PTAFR: variants seen among roughly 807,000 people sequenced by gnomAD.
PTAFR encodes the protein platelet-activating factor receptor.
In PTAFR, 8 loss-of-function variants were observed where a neutral mutation model predicts 14.7. The ratio of observed to expected loss-of-function variants is 0.54; its 90% confidence interval spans 0.32 to 0.98. The LOEUF (loss-of-function observed/expected upper bound fraction) is 0.98, where lower values mean the gene tolerates loss of function less well. PTAFR is among the 50% of genes least tolerant of loss of function. The pLI, the probability that PTAFR is intolerant of heterozygous loss-of-function variation, is 0.04. For synonymous variants in PTAFR, 156 were observed against 176.5 expected (o/e 0.88, Z 0.92); for missense variants, 337 against 451.2 (o/e 0.75, Z 2.29).
Position 28,148,259 on chromosome 1 carries a change from C to G in PTAFR, c.*1734G>C, listed in dbSNP as rs1403492192. 1.3e-5 allele frequency: 2 copies of G among 152,192 alleles called. No homozygotes were observed. The highest frequency in any genetic ancestry group is 4.8e-5 in the African/African-American group (2 of 41,410). 9.4% of individuals were successfully genotyped at this position (152,192 alleles called of 1,614,324 possible). ...AATCACAAGCAGACATCTAGAGATC[C>G]CCAGGAGAAGCTGACACCTGGCTGA... On this transcript the variant is annotated 3_prime_UTR_variant, in exon 2 of 2. Transcript: ENST00000373857.
chr1:28,182,865 G>C (rs1646573699), intron 1 of PTAFR, among the ~76,000 whole-genome samples: 1 of 152,102 alleles, frequency 6.6e-6, no homozygotes, highest in South Asian at 2.1e-4. Flanking sequence ...ATTTGTAGTA[G>C]AGATGGGGTT....
At chr1:28,175,282 C>G (rs74910838) in intron 1 of PTAFR, among the ~76,000 whole-genome samples, 3 of 152,062 alleles carry the variant, frequency 2.0e-5, no homozygotes, top group Non-Finnish European at 4.4e-5. Flanking sequence ...CTCAAGGCCC[C>G]GGCTTGTCAG....
chr1:28,178,688 T>A (rs1450167907), upstream of PTAFR, among the ~76,000 whole-genome samples: 1 of 146,874 alleles, frequency 6.8e-6, no homozygotes, highest in African/African-American at 2.6e-5. Context: ...ACTTGCACAC[T>A]CGCATACACT....
chr1:28,186,679 T>C (rs1015610040), intron 1 of PTAFR, among the ~76,000 whole-genome samples: 7 of 152,202 alleles, frequency 4.6e-5, no homozygotes, highest in African/African-American at 1.4e-4. Context: ...ATCTCAGCAT[T>C]TTTGGTAGGC....
intron 1 of PTAFR, among the ~76,000 whole-genome samples, chr1:28,182,409 C>T (rs1646569803): frequency 6.6e-6 from 1 of 151,666 alleles, no homozygotes; most frequent in South Asian, 2.1e-4. Context: ...GGCATGGTGG[C>T]TTATACCTAT....
chr1:28,181,752 AAAAT>A (rs151336206), intron 1 of PTAFR, among the ~76,000 whole-genome samples: 7 of 151,962 alleles, frequency 4.6e-5, no homozygotes, highest in Non-Finnish European at 8.8e-5. Flanking sequence ...CAAAAAAATA[AAAAT>A]AAATAAATAA....
chr1:28,172,527 T>A (rs752101267), intron 1 of PTAFR, among the ~76,000 whole-genome samples: 19 of 152,188 alleles, frequency 1.2e-4, no homozygotes, highest in Admixed American at 1.2e-3. Context: ...CTTTTCTTCA[T>A]CTGCAAAATG....
At chr1:28,163,915 A>G (rs1370679674) in intron 1 of PTAFR, among the ~76,000 whole-genome samples, 1 of 152,240 alleles carries the variant, frequency 6.6e-6, no homozygotes, top group Non-Finnish European at 1.5e-5. Flanking sequence ...ACACATGGGC[A>G]CAGTTCCCTG....
intron 1 of PTAFR, among the ~76,000 whole-genome samples, chr1:28,158,296 G>A (rs1023604672): frequency 7.9e-5 from 12 of 152,224 alleles, no homozygotes; most frequent in Non-Finnish European, 1.3e-4. Flanking sequence ...ACAGGGGACT[G>A]CGGGACAGAG....
At chr1:28,191,502 G>T (rs1295647276) in intron 1 of PTAFR, among the ~76,000 whole-genome samples, 1 of 152,104 alleles carries the variant, frequency 6.6e-6, no homozygotes, top group Non-Finnish European at 1.5e-5. Context: ...GGGAGGCCAG[G>T]GTGGGTGGAC....
intron 1 of PTAFR, among the ~76,000 whole-genome samples, chr1:28,155,065 C>G (rs1200030747): frequency 6.6e-6 from 1 of 152,158 alleles, no homozygotes; most frequent in African/African-American, 2.4e-5. Context: ...TCACCTCGTG[C>G]CACCTTAGCA....
intron 1 of PTAFR, among the ~76,000 whole-genome samples, chr1:28,154,629 C>T (rs1292126676): frequency 2.6e-5 from 4 of 151,852 alleles, no homozygotes; most frequent in Admixed American, 6.6e-5. Flanking sequence ...CTGGGCAACA[C>T]GGTGAAACCC....
At chr1:28,173,161 G>T (rs1159931195) in intron 1 of PTAFR, among the ~76,000 whole-genome samples, 1 of 146,288 alleles carries the variant, frequency 6.8e-6, no homozygotes. Flanking sequence ...GGTGGCATGC[G>T]CCTGTAGTCC....
chr1:28,167,827 C>T (rs1451641777), intron 1 of PTAFR, among the ~76,000 whole-genome samples: 7 of 149,634 alleles, frequency 4.7e-5, no homozygotes, highest in African/African-American at 1.7e-4. Context: ...TTAGTAGAGA[C>T]GAGGTTTCGC....
Position 28,151,015 on chromosome 1 carries a change from G to T in PTAFR, c.7C>A (p.Pro3Thr), listed in dbSNP as rs746947033. ...GAGTCCATGTGGGAGGAGTCATGTGGCTCCATTGCTGTGGGCTGGAATGAT... is the reference window on the plus strand; with the variant it reads ...GAGTCCATGTGGGAGGAGTCATGTGTCTCCATTGCTGTGGGCTGGAATGAT... ME[P>T]HDSSHMDSEF... The change falls in exon 2 of 2, where the codon CCA becomes ACA. Residue 3 changes from proline to threonine, a missense_variant. Coordinates refer to ENST00000373857, the MANE Select transcript of PTAFR (RefSeq NM_000952.5). 2 of 1,584,454 alleles carry T rather than the reference G, an allele frequency of 1.3e-6. No homozygotes were observed. The highest frequency in any genetic ancestry group is 1.7e-6 in the Non-Finnish European group (2 of 1,163,524).
chr1:28,173,795 G>A (rs891226864), intron 1 of PTAFR, among the ~76,000 whole-genome samples: 1 of 152,036 alleles, frequency 6.6e-6, no homozygotes, highest in African/African-American at 2.4e-5. Context: ...GGGAGGGGTG[G>A]CTGAGTGGTG....
intron 1 of PTAFR, 145 bp from the exon 2 acceptor site, chr1:28,151,204 A>C (rs1226896573): frequency 5.1e-6 from 3 of 583,988 alleles, no homozygotes; most frequent in Non-Finnish European, 8.8e-6. Context: ...TTTCAGATGG[A>C]GTTTCACTCT....
intron 1 of PTAFR, among the ~76,000 whole-genome samples, chr1:28,185,937 A>G (rs187949807): frequency 2.2e-4 from 33 of 152,272 alleles, no homozygotes; most frequent in Non-Finnish European, 4.7e-4. Context: ...ACAGCAAGAA[A>G]ACTATTTTGG....
Position 28,150,472 on chromosome 1 carries a change from C to T in PTAFR, c.550G>A (p.Val184Ile), listed in dbSNP as rs765081030. 4.3e-6 allele frequency: 7 copies of T among 1,614,248 alleles called. No individual in the cohort carries two copies. Among genetic ancestry groups the T allele is most frequent in the South Asian group, 2.2e-5 (2 of 91,090 alleles). The stretch of plus-strand genomic sequence containing the variant: ...ACGATGAAGATGTGGATGATGAGGA[C>T]TGGCACGCTGCCCTTCTCGTAATGC... The part of the protein sequence containing the change: ...FEHYEKGSVP[V>I]LIIHIFIVFS... Residue 184 changes from valine (V) to isoleucine (I), a missense_variant, in exon 2 of 2, where the codon GTC (valine) becomes ATC (isoleucine). By Grantham distance (29) the Val-to-Ile change is conservative (BLOSUM62 3). Coordinates refer to ENST00000373857, the MANE Select transcript of PTAFR (RefSeq NM_000952.5). This position sits in a 1 kb window ranked among gnomAD's most constrained non-coding sequence, Gnocchi z 6.3.
Sources: allele counts gnomAD v4.1 joint callset (sites outside exome capture counted in the v4.1 genomes callset), GRCh38; gene constraint gnomAD v4.1.1; non-coding constraint Gnocchi (gnomAD v3.1); transcripts MANE v1.5; gene names NCBI Gene and HGNC (gene_info 2026-07-23, HGNC 2026-07-21).